Variants in SEMA6B observed in about 807,000 individuals in gnomAD.
The protein encoded by SEMA6B is semaphorin 6B.
SEMA6B carries 47 observed loss-of-function variants against 78.6 expected under a neutral mutation model. The ratio of observed to expected loss-of-function variants is 0.60; its 90% confidence interval spans 0.47 to 0.76. The LOEUF (loss-of-function observed/expected upper bound fraction) is 0.76, where lower values mean the gene tolerates loss of function less well. SEMA6B is among the 30% of genes least tolerant of loss of function. SEMA6B has a pLI of 0.00. For synonymous variants in SEMA6B, 632 were observed against 592.2 expected, an observed-to-expected ratio of 1.07 and a Z score of -0.98; for missense variants, 1,213 against 1,269.9, an observed-to-expected ratio of 0.96 and a Z score of 0.68.
Position 4,542,817 on chromosome 19 carries a change from C to T in SEMA6B, c.*784G>A, listed in dbSNP as rs1977051256. On this transcript the variant is annotated 3_prime_UTR_variant, in exon 17 of 17. Coordinates refer to ENST00000586582, the MANE Select transcript of SEMA6B (RefSeq NM_032108.4). ...CCCCCAGGCCCCCAAGCCCTTTAGACAGCTGCTGCCGATGTGACTTCCGGG... is the reference window on the plus strand; with the variant it reads ...CCCCCAGGCCCCCAAGCCCTTTAGATAGCTGCTGCCGATGTGACTTCCGGG... 1 of 701,034 alleles carries T rather than the reference C, an allele frequency of 1.4e-6. No homozygotes were observed. Among genetic ancestry groups the T allele is most frequent in the African/African-American group, 1.7e-5 (1 of 57,176 alleles). The allele number at this position is 701,034 out of a possible 1,614,324, so 43.4% of individuals were successfully genotyped here. A position where few individuals can be genotyped will look rare whatever the true frequency, so the allele number is the denominator to read the frequency against.
Position 4,554,394 on chromosome 19 carries a change from C to T in SEMA6B, c.765G>A (p.Leu255=), listed in dbSNP as rs1430444682. Reference sequence around the variant, plus strand: ...CCCACTGCACCGGCCTCACCTTCTCCAGGTAGTTAAACTCCATCGCAATCT... The same window carrying T: ...CCCACTGCACCGGCCTCACCTTCTCTAGGTAGTTAAACTCCATCGCAATCT... ...FREIAMEFNY[L]EKVVVSRVAR... is the part of the protein sequence containing the mutation. The change falls in exon 9 of 17, where the codon CTG becomes CTA. Residue 255 remains leucine (L), a synonymous_variant. Coordinates refer to ENST00000586582, the MANE Select transcript of SEMA6B (RefSeq NM_032108.4). 6.2e-7 allele frequency: 1 copy of T among 1,613,424 alleles called. No individual in the cohort carries two copies. The highest frequency in any genetic ancestry group is 1.7e-5 in the Admixed American group (1 of 60,014).
At chr19:4,549,363 G>A (rs192737903) in intron 12 of SEMA6B, among the ~76,000 whole-genome samples, 211 of 147,408 alleles carry the variant, frequency 1.4e-3, no homozygotes, top group African/African-American at 5.0e-3. Flanking sequence ...GTGCAGTGGC[G>A]TGATCTCGGC....
chr19:4,557,844 C>T (rs1054875162), intron 3 of SEMA6B, among the ~76,000 whole-genome samples, 182 bp downstream of exon 3: 3 of 152,038 alleles, frequency 2.0e-5, no homozygotes, highest in African/African-American at 4.8e-5. Flanking sequence ...CAGGTCCAGT[C>T]CTTCCCCTAC....
In SEMA6B at chr19:4,555,222, C is replaced by A; in HGVS notation, c.563-127G>T. 9.4e-7 allele frequency: 1 copy of A among 1,059,978 alleles called. No homozygotes were observed. Among genetic ancestry groups the A allele is most frequent in the East Asian group, 2.5e-5 (1 of 39,266 alleles). 65.7% of individuals were successfully genotyped at this position (1,059,978 alleles called of 1,614,324 possible). ...GGGGAGCCCCTGTCTCCAGGCTGAG[C>A]CCTGATCCCATCCAAGCCCCACCTC... On this transcript the variant is annotated intron_variant, in intron 7 of 16. Transcript: ENST00000586582. The surrounding 1 kb of genome is among the most constrained non-coding windows in gnomAD (Gnocchi z 6.1).
At chr19:4,546,663 C>T (rs1488944971) in intron 14 of SEMA6B, among the ~76,000 whole-genome samples, 194 bp from the exon 15 acceptor site, 4 of 152,116 alleles carry the variant, frequency 2.6e-5, no homozygotes, top group Non-Finnish European at 4.4e-5. Flanking sequence ...TCGCTCTTGT[C>T]GCCCAGGCTG....
In SEMA6B at chr19:4,550,218, C is replaced by T. The variant is rs761926426; in HGVS notation, c.1176G>A (p.Pro392=). The T allele has an allele frequency of 8.7e-6, 14 of 1,612,694 alleles. No individual in the cohort carries two copies. Among genetic ancestry groups the T allele is most frequent in the South Asian group, 4.4e-5 (4 of 91,040 alleles). Residue 392 remains proline, a synonymous_variant, in exon 12 of 17, where the codon CCG becomes CCA. Coordinates refer to ENST00000586582, the MANE Select transcript of SEMA6B (RefSeq NM_032108.4). This position sits in a 1 kb window ranked among gnomAD's most constrained non-coding sequence, Gnocchi z 6.6. ...GMQYNASSAL[P]DDILNFVKTH... ...TCTTGACAAAGTTGAGGATGTCATC[C>T]GGCAAGGCGCTGGAGGCATTGTACT...
intron 16 of SEMA6B, among the ~76,000 whole-genome samples, chr19:4,545,108 C>T (rs893401256): frequency 6.6e-6 from 1 of 151,812 alleles, no homozygotes; most frequent in African/African-American, 2.4e-5. Flanking sequence ...TTTTGTGAGG[C>T]TGAGGCAGGA....
Position 4,546,226 on chromosome 19 carries a change from C to T in SEMA6B, c.1728G>A (p.Gly576=), listed in dbSNP as rs1282566359. The T allele has an allele frequency of 1.2e-6, 2 of 1,612,062 alleles. No individual in the cohort carries two copies. The highest frequency in any genetic ancestry group is 1.7e-6 in the Non-Finnish European group (2 of 1,179,850). ...DVSGASTSGL[G]DCTGLLRASL... ...GTCCCCCCAACTCACCTGTGCAGTC[C>T]CCTAAGCCTGAGGTGCTGGCCCCGG... Residue 576 remains glycine, a synonymous_variant, in exon 16 of 17, where the codon GGG becomes GGA. Coordinates refer to ENST00000586582, the MANE Select transcript of SEMA6B (RefSeq NM_032108.4).
At position 4,548,260 on chromosome 19, in the gene SEMA6B, TACC is replaced by T. The variant is rs776999857; in HGVS notation, c.1454_1454+2del. Reference sequence around the variant, plus strand: ...ACCCCTTCCCACCTTTGCCCAGACTTACCTGTCCGGCCGGTAGGTCTCAAACTC... The same window carrying T: ...ACCCCTTCCCACCTTTGCCCAGACTTTGTCCGGCCGGTAGGTCTCAAACTC... On this transcript the variant is annotated splice_donor_variant and coding_sequence_variant, in exon 13 of 17. Transcript: ENST00000586582. LOFTEE classifies it high-confidence loss of function. 4.4e-6 allele frequency: 7 copies of T among 1,605,498 alleles called. No individual in the cohort carries two copies. Among genetic ancestry groups the T allele is most frequent in the Non-Finnish European group, 5.1e-6 (6 of 1,173,144 alleles).
At position 4,558,627 on chromosome 19, in the gene SEMA6B, CAAT is replaced by C. The variant is rs1020293572; in HGVS notation, c.-32-141_-32-139del. Reference sequence around the variant, plus strand: ...TAATAATTAATAAAAACAATAATGGCAATAATAATAATAATACACAGCACTGAT... The same window carrying C: ...TAATAATTAATAAAAACAATAATGGCAATAATAATAATACACAGCACTGAT... On this transcript the variant is annotated intron_variant, in intron 1 of 16. Transcript: ENST00000586582. This position sits in a 1 kb window ranked among gnomAD's most constrained non-coding sequence, Gnocchi z 5.1. 3.0e-4 allele frequency: 129 copies of C among 426,536 alleles called. No homozygotes were observed. The highest frequency in any genetic ancestry group is 1.2e-3 in the Middle Eastern group (2 of 1,640). 26.4% of individuals were successfully genotyped at this position (426,536 alleles called of 1,614,324 possible).
Position 4,546,199 on chromosome 19 carries a change from C to A in SEMA6B, c.1738+17G>T. 5.0e-6 allele frequency: 8 copies of A among 1,594,388 alleles called. No individual in the cohort carries two copies. The South Asian group carries it at 7.8e-5, about 16-fold the overall frequency. On this transcript the variant is annotated intron_variant, in intron 16 of 16. Transcript: ENST00000586582. ...AGTGGGGGATGGGGGTCTTAGCCTG[C>A]CGTCCCCCCAACTCACCTGTGCAGT...
rs368760603 is a variant in SEMA6B at position 4,547,252 on chromosome 19, G to A, written c.1601+775C>T. On this transcript the variant is annotated intron_variant, in intron 14 of 16. Transcript: ENST00000586582. The stretch of plus-strand genomic sequence containing the variant: ...TCCCAAGTGCTGGGATGACAGACGT[G>A]AGCTACCAAGCCCAGTCCCTCTTCT... Among the ~76,000 whole-genome samples the A allele has an allele frequency of 4.6e-5, 7 of 152,174 alleles. No individual in the cohort carries two copies. In the East Asian group the frequency reaches 1.4e-3, roughly 29 times the overall value.
In SEMA6B at chr19:4,556,084, C is replaced by A; in HGVS notation, c.375G>T (p.Glu125Asp). Residue 125 changes from glutamate (E) to aspartate (D), a missense_variant, in exon 6 of 17, where the codon GAG becomes GAT. Glu to Asp is a conservative substitution (Grantham distance 45, BLOSUM62 2). Coordinates refer to ENST00000586582, the MANE Select transcript of SEMA6B (RefSeq NM_032108.4). The stretch of plus-strand genomic sequence containing the variant: ...GCAGCACCTTTACGAAGTTTCGACA[C>A]TCGCCCTGAGGTGGGGACAGGAGGA... ...VCRMKGKQEGECRNFVKVLLL... is the reference protein window; with the variant it reads ...VCRMKGKQEGDCRNFVKVLLL... The A allele has an allele frequency of 6.2e-7, 1 of 1,613,382 alleles. No individual in the cohort carries two copies. Among genetic ancestry groups the A allele is most frequent in the Non-Finnish European group, 8.5e-7 (1 of 1,179,418 alleles).
In SEMA6B at chr19:4,558,534, G is replaced by A. The variant is rs1417113902; in HGVS notation, c.-32-45C>T. ...AGGTGAGCGGCCTGCAGTCCCGCTCGTGGCCACAAGACGGCGGGCGAGAGC... is the reference window on the plus strand; with the variant it reads ...AGGTGAGCGGCCTGCAGTCCCGCTCATGGCCACAAGACGGCGGGCGAGAGC... On this transcript the variant is annotated intron_variant, in intron 1 of 16. Transcript: ENST00000586582. The surrounding 1 kb of genome is among the most constrained non-coding windows in gnomAD (Gnocchi z 5.1). The A allele has an allele frequency of 7.5e-6, 9 of 1,203,828 alleles. No individual in the cohort carries two copies. Among genetic ancestry groups the A allele is most frequent in the African/African-American group, 1.6e-5 (1 of 63,816 alleles). The allele number at this position is 1,203,828 out of a possible 1,614,324, so 74.6% of individuals were successfully genotyped here. A position where few individuals can be genotyped will look rare whatever the true frequency, so the allele number is the denominator to read the frequency against.
intron 5 of SEMA6B, among the ~76,000 whole-genome samples, 173 bp downstream of exon 5, chr19:4,556,778 C>T (rs1977481389): frequency 8.3e-6 from 1 of 120,174 alleles, no homozygotes; most frequent in Non-Finnish European, 1.6e-5. Context: ...GTGGCCATGG[C>T]TGTTTGGGGG....
chr19:4,542,900 A>G lies in SEMA6B; in HGVS notation c.*701T>C. The G allele has an allele frequency of 1.4e-6, 1 of 699,364 alleles. No individual in the cohort carries two copies. Among genetic ancestry groups the G allele is most frequent in the Non-Finnish European group, 2.6e-6 (1 of 384,816 alleles). The allele number at this position is 699,364 out of a possible 1,614,324, so 43.3% of individuals were successfully genotyped here. A position where few individuals can be genotyped will look rare whatever the true frequency, so the allele number is the denominator to read the frequency against. On this transcript the variant is annotated 3_prime_UTR_variant, in exon 17 of 17. Transcript: ENST00000586582. ...CGGCATTGTCCCCGCTTCCCTCTGCAGAGTGGGGGGGGTTCAAACTCCTAA... is the reference window on the plus strand; with the variant it reads ...CGGCATTGTCCCCGCTTCCCTCTGCGGAGTGGGGGGGGTTCAAACTCCTAA...
chr19:4,553,473 T>TGGATGGAC (rs1977388291), intron 9 of SEMA6B, among the ~76,000 whole-genome samples: 1 of 147,546 alleles, frequency 6.8e-6, no homozygotes, highest in Non-Finnish European at 1.5e-5. Flanking sequence ...GATGGATGGA[T>TGGATGGAC]GGATGGATGG....
chr19:4,556,156 G>T, intron 5 of SEMA6B, 67 bp from the exon 6 acceptor site: 1 of 1,133,934 alleles, frequency 8.8e-7, no homozygotes, highest in Non-Finnish European at 1.3e-6. Flanking sequence ...GGCGTGGCCA[G>T]AACCTGAGTT....
chr19:4,542,908 G>A lies in SEMA6B; in HGVS notation c.*693C>T, dbSNP rs1977054743. The A allele has an allele frequency of 2.9e-6, 2 of 701,152 alleles. No homozygotes were observed. The highest frequency in any genetic ancestry group is 1.8e-5 in the African/African-American group (1 of 57,138). 43.4% of individuals were successfully genotyped at this position (701,152 alleles called of 1,614,324 possible). A position where few individuals can be genotyped will look rare whatever the true frequency, so the allele number is the denominator to read the frequency against. Reference sequence around the variant, plus strand: ...TCCCCGCTTCCCTCTGCAGAGTGGGGGGGGTTCAAACTCCTAACCGGCACC... The same window carrying A: ...TCCCCGCTTCCCTCTGCAGAGTGGGAGGGGTTCAAACTCCTAACCGGCACC... On this transcript the variant is annotated 3_prime_UTR_variant, in exon 17 of 17. Transcript: ENST00000586582.
Sources: gnomAD v4.1 joint callset for allele counts (sites outside exome capture counted in the v4.1 genomes callset) on GRCh38, gnomAD v4.1.1 for gene constraint, Gnocchi (gnomAD v3.1) non-coding constraint, MANE v1.5 for transcripts, NCBI Gene and HGNC (gene_info 2026-07-23, HGNC 2026-07-21) for gene names.